Variants in SLFN11 observed in about 807,000 individuals in gnomAD.
SLFN11 encodes the protein schlafen family member 11.
A neutral mutation model predicts 53.4 loss-of-function variants in SLFN11; 43 were observed. The observed-to-expected ratio is 0.80, with a 90% CI of 0.63 to 1.04. The LOEUF is 1.04. Ranked by LOEUF, SLFN11 falls within the 50% of genes least tolerant of loss-of-function variation. The pLI, the probability that SLFN11 is intolerant of heterozygous loss-of-function variation, is 0.00. For missense variants in SLFN11, 990 were observed against 1,079.1 expected, an observed-to-expected ratio of 0.92 and a Z score of 1.16; for synonymous variants, 389 against 394.7, an observed-to-expected ratio of 0.99 and a Z score of 0.17.
Position 35,360,280 on chromosome 17 carries a change from C to T in SLFN11, c.1161G>A (p.Leu387=). ...GTTGCTGGAGTTCCTTTTTATGTTC[C>T]AGGCCTTTCTTGGAGTACACTGGTC... is the stretch of plus-strand genomic sequence containing the variant. ...LSRPVYSKKG[L]EHKKELQQLL... The change falls in exon 5 of 7, where the codon CTG becomes CTA. Residue 387 remains leucine, a synonymous_variant. Transcript: ENST00000685675. 1 of 1,609,634 alleles carries T rather than the reference C, an allele frequency of 6.2e-7. No homozygotes were observed. The highest frequency in any genetic ancestry group is 1.7e-5 in the Admixed American group (1 of 59,258).
chr17:35,353,869 C>T lies in SLFN11; in HGVS notation c.1389G>A (p.Leu463=). 6.2e-7 allele frequency: 1 copy of T among 1,611,138 alleles called. No individual in the cohort carries two copies. Among genetic ancestry groups the T allele is most frequent in the South Asian group, 1.1e-5 (1 of 90,952 alleles). Reference sequence around the variant, plus strand: ...GAATGGGGGTGCTGTTCTGTGCTATCAGCAGAGCATCACAGATGACTCCTG... The same window carrying T: ...GAATGGGGGTGCTGTTCTGTGCTATTAGCAGAGCATCACAGATGACTCCTG... ...EKPGVICDAL[L]IAQNSTPILY... Residue 463 remains leucine, a synonymous_variant, in exon 6 of 7, where the codon CTG becomes CTA. Transcript: ENST00000685675.
At chr17:35,356,405 C>T (rs1174212018) in intron 5 of SLFN11, among the ~76,000 whole-genome samples, 1 of 151,908 alleles carries the variant, frequency 6.6e-6, no homozygotes, top group Non-Finnish European at 1.5e-5. Flanking sequence ...TACCCAAACA[C>T]TCCTACTCTC....
Position 35,352,503 on chromosome 17 carries a change from A to G in SLFN11, c.2559T>C (p.Ser853=), listed in dbSNP as rs775094329. 6 of 1,614,074 alleles carry G rather than the reference A, an allele frequency of 3.7e-6. No homozygotes were observed. In the Admixed American group the frequency reaches 5.0e-5, roughly 13 times the overall value. The part of the protein sequence containing the change: ...DMLGDHIVLD[S]VRRFSGLERS... ...TTTCCAGGCCTGAGAATCGCCGAAC[A>G]CTGTCCAACACAATGTGATCACCCA... Residue 853 remains serine, a synonymous_variant, in exon 7 of 7, where the codon AGT becomes AGC. Transcript: ENST00000685675.
At position 35,351,648 on chromosome 17, in the gene SLFN11, G is replaced by A. The variant is rs373049444; in HGVS notation, c.*708C>T. 1 of 152,114 alleles carries A rather than the reference G, an allele frequency of 6.6e-6. No individual in the cohort carries two copies. 9.4% of individuals were successfully genotyped at this position (152,114 alleles called of 1,614,324 possible). A position where few individuals can be genotyped will look rare whatever the true frequency, so the allele number is the denominator to read the frequency against. ...CTTCCACTGAAAGCCAGGGCAAACA[G>A]GTTTATGTTCATTTCATCTTGGCCT... On this transcript the variant is annotated 3_prime_UTR_variant, in exon 7 of 7. Transcript: ENST00000685675.
intron 1 of SLFN11, among the ~76,000 whole-genome samples, chr17:35,370,763 A>G (rs1487417604): frequency 6.6e-6 from 1 of 152,092 alleles, no homozygotes; most frequent in African/African-American, 2.4e-5. Context: ...TTAACCAAAT[A>G]AATGAAAGAT....
In SLFN11 at chr17:35,353,584, T is replaced by C. The variant is rs1259753184; in HGVS notation, c.1674A>G (p.Leu558=). The stretch of plus-strand genomic sequence containing the variant: ...CACTCAAGAGAGACCTGAAGCCGAG[T>C]AAGACAATCACGAGGGACTGCAGCA... ...EALLQSLVIV[L]LGFRSLLSDQ... is the part of the protein sequence containing the mutation. The change falls in exon 6 of 7, where the codon TTA becomes TTG. Residue 558 remains leucine (L), a synonymous_variant. Coordinates refer to ENST00000685675, the MANE Select transcript of SLFN11 (RefSeq NM_001376007.1). 87 of 1,217,106 alleles carry C rather than the reference T, an allele frequency of 7.1e-5. No individual in the cohort carries two copies. The highest frequency in any genetic ancestry group is 9.2e-5 in the Non-Finnish European group (83 of 899,840). The allele number at this position is 1,217,106 out of a possible 1,614,324, so 75.4% of individuals were successfully genotyped here. A position where few individuals can be genotyped will look rare whatever the true frequency, so the allele number is the denominator to read the frequency against.
At chr17:35,358,371 A>T (rs1442888912) in intron 5 of SLFN11, among the ~76,000 whole-genome samples, 1 of 151,734 alleles carries the variant, frequency 6.6e-6, no homozygotes, top group Non-Finnish European at 1.5e-5. Flanking sequence ...CCAGATATAT[A>T]GTCCTATCTT....
rs1173862974 is a variant in SLFN11 at position 35,363,811 on chromosome 17, G to A, written c.-4C>T. On this transcript the variant is annotated 5_prime_UTR_variant, in exon 4 of 7. Transcript: ENST00000685675. ...GGGGGCACTGATTTGCCTCCATGTT[G>A]AACTCACAGCTGAAACTATTAGAAG... 7 of 1,556,122 alleles carry A rather than the reference G, an allele frequency of 4.5e-6. No individual in the cohort carries two copies. Among genetic ancestry groups the A allele is most frequent in the Non-Finnish European group, 6.0e-6 (7 of 1,157,126 alleles).
At chr17:35,361,161 AG>A (rs1284615981) in intron 4 of SLFN11, among the ~76,000 whole-genome samples, 1 of 152,074 alleles carries the variant, frequency 6.6e-6, no homozygotes, top group Non-Finnish European at 1.5e-5. Flanking sequence ...GGGTGTTCTC[AG>A]TTGTTCTAGA....
intron 5 of SLFN11, among the ~76,000 whole-genome samples, chr17:35,356,640 T>TA (rs1315054446): frequency 6.6e-6 from 1 of 152,154 alleles, no homozygotes; most frequent in Non-Finnish European, 1.5e-5. Flanking sequence ...ATTCTTTTCT[T>TA]ACAGCTATCT....
intron 1 of SLFN11, among the ~76,000 whole-genome samples, chr17:35,368,378 C>T (rs545321568): frequency 6.6e-6 from 1 of 152,096 alleles, no homozygotes; most frequent in Non-Finnish European, 1.5e-5. Context: ...CTCAGTACTG[C>T]CCTGTTACAG....
chr17:35,365,895 A>AT (rs1908897393), intron 3 of SLFN11, among the ~76,000 whole-genome samples: 1 of 73,788 alleles, frequency 1.4e-5, no homozygotes, highest in Admixed American at 1.8e-4. Context: ...AGATGCACTT[A>AT]TTTTTTACAG....
Position 35,360,289 on chromosome 17 carries a change from C to T in SLFN11, c.1152G>A (p.Lys384=). Residue 384 remains lysine (K), a synonymous_variant, in exon 5 of 7, where the codon AAG becomes AAA. Transcript: ENST00000685675. ...GTTCCTTTTTATGTTCCAGGCCTTT[C>T]TTGGAGTACACTGGTCTGCTAAGGG... ...GPPLSRPVYS[K]KGLEHKKELQ... 6.2e-7 allele frequency: 1 copy of T among 1,610,974 alleles called. No individual in the cohort carries two copies. Among genetic ancestry groups the T allele is most frequent in the East Asian group, 2.2e-5 (1 of 44,790 alleles).
intron 4 of SLFN11, among the ~76,000 whole-genome samples, chr17:35,361,398 A>T (rs1908194365): frequency 6.6e-6 from 1 of 152,104 alleles, no homozygotes; most frequent in South Asian, 2.1e-4. Context: ...GGACAATATG[A>T]AACGGTACTG....
At chr17:35,355,009 A>G (rs1291235375) in intron 5 of SLFN11, among the ~76,000 whole-genome samples, 1 of 152,160 alleles carries the variant, frequency 6.6e-6, no homozygotes, top group Admixed American at 6.5e-5. Context: ...AGACACATCC[A>G]GATTTTAGAG....
At position 35,367,070 on chromosome 17, in the gene SLFN11, C is replaced by CA. The variant is rs34749593; in HGVS notation, c.-136-8dup. The CA allele has an allele frequency of 0.52, 73,646 of 141,730 alleles. 18,730 individuals are homozygous for CA. The highest frequency in any genetic ancestry group is 0.64 in the South Asian group (2,884 of 4,500). The allele number at this position is 141,730 out of a possible 1,614,324, so 8.8% of individuals were successfully genotyped here. On this transcript the variant is annotated splice_region_variant and splice_polypyrimidine_tract_variant and intron_variant, in intron 2 of 6. Coordinates refer to ENST00000685675, the MANE Select transcript of SLFN11 (RefSeq NM_001376007.1). ...TGGGGGTCAAAGTAAGAATCTGTCT[C>CA]AAAAAAAAAAAAAAGAAGGCTGGCA...
In SLFN11 at chr17:35,363,463, G is replaced by GAA. The variant is rs752186531; in HGVS notation, c.343_344dup (p.Pro116SerfsTer38). ...GGGGCTTGACAGAGCGATCTTCAGG[G>GAA]AAAGGGCCACTGCTCCAAGATTTAA... On this transcript the variant is annotated frameshift_variant, in exon 4 of 7. Coordinates refer to ENST00000685675, the MANE Select transcript of SLFN11 (RefSeq NM_001376007.1). LOFTEE classifies it high-confidence loss of function. 2.1e-5 allele frequency: 34 copies of GAA among 1,613,832 alleles called. No individual in the cohort carries two copies. The highest frequency in any genetic ancestry group is 2.9e-5 in the Non-Finnish European group (34 of 1,179,970).
intron 1 of SLFN11, among the ~76,000 whole-genome samples, chr17:35,368,168 C>T (rs1436261136): frequency 2.6e-5 from 4 of 152,044 alleles, no homozygotes; most frequent in East Asian, 1.9e-4. Context: ...TCCATCCTCC[C>T]ACCCATCTCC....
At position 35,357,050 on chromosome 17, in the gene SLFN11, T is replaced by A. The variant is rs1907577089; in HGVS notation, c.1199-2991A>T. On this transcript the variant is annotated intron_variant, in intron 5 of 6. Coordinates refer to ENST00000685675, the MANE Select transcript of SLFN11 (RefSeq NM_001376007.1). ...TTCTCCTTTTAATTTACATGTCTCT[T>A]ATTTTGATTAATATTTAGCATCTTT... 2.0e-5 allele frequency among the ~76,000 whole-genome samples: 3 copies of A among 151,984 alleles called. No individual in the cohort carries two copies. The South Asian group carries it at 6.2e-4, about 31-fold the overall frequency.
Sources: allele counts gnomAD v4.1 joint callset (sites outside exome capture counted in the v4.1 genomes callset), GRCh38; gene constraint gnomAD v4.1.1; transcripts MANE v1.5; gene names NCBI Gene and HGNC (gene_info 2026-07-23, HGNC 2026-07-21).